The following HERC2 variants were observed in gnomAD, a reference collection of about 807,000 sequenced individuals.
HERC2 encodes HECT and RLD domain containing E3 ubiquitin protein ligase 2.
In HERC2, 102 loss-of-function variants were observed where a neutral mutation model predicts 537.7. The ratio of observed to expected loss-of-function variants is 0.19; its 90% CI spans 0.16 to 0.22. The LOEUF (loss-of-function observed/expected upper bound fraction) is 0.22. Among genes scored for constraint, HERC2 ranks in the 10% least tolerant of loss-of-function variants. The probability of loss-of-function intolerance (pLI) is 1.00; values close to 1 mark genes in which losing one functional copy is unlikely to be tolerated. For synonymous variants in HERC2, 2,224 were observed against 2,466.2 expected, an observed-to-expected ratio of 0.90 and a Z score of 2.91; for missense variants, 4,236 against 6,198.2, an observed-to-expected ratio of 0.68 and a Z score of 10.63.
Position 28,214,285 on chromosome 15 carries a change from C to G in HERC2, c.6359-13G>C. 1 of 1,608,322 alleles carries G rather than the reference C, an allele frequency of 6.2e-7. No individual in the cohort carries two copies. Among genetic ancestry groups the G allele is most frequent in the Non-Finnish European group, 8.5e-7 (1 of 1,176,828 alleles). On this transcript the variant is annotated splice_polypyrimidine_tract_variant and intron_variant, in intron 40 of 92. Transcript: ENST00000261609. Reference sequence around the variant, plus strand: ...CTCAGCGTGGACTCTGAGGAGGAAACCAGGGGAGAAGCTGCTGCACCGCTC... The same window carrying G: ...CTCAGCGTGGACTCTGAGGAGGAAAGCAGGGGAGAAGCTGCTGCACCGCTC...
In HERC2 at chr15:28,229,701, T is replaced by C. The variant is rs777672096; in HGVS notation, c.4956A>G (p.Glu1652=). 6.2e-7 allele frequency: 1 copy of C among 1,612,024 alleles called. No individual in the cohort carries two copies. Among genetic ancestry groups the C allele is most frequent in the Non-Finnish European group, 8.5e-7 (1 of 1,179,832 alleles). The part of the protein sequence containing the change: ...FALKEEPVDV[E]KMRKCLLKQL... ...GTTTTAGTAGGCACTTTCTCATTTT[T>C]TCCACATCCACTGGCTCTTCTTTAA... is the stretch of plus-strand genomic sequence containing the variant. Residue 1652 remains glutamate (E), a synonymous_variant, in exon 32 of 93, where the codon GAA becomes GAG. Transcript: ENST00000261609.
intron 69 of HERC2, among the ~76,000 whole-genome samples, chr15:28,160,285 CAG>C (rs1173295774): frequency 6.6e-6 from 1 of 152,194 alleles, no homozygotes; most frequent in Non-Finnish European, 1.5e-5. Flanking sequence ...TTTAAGTCTG[CAG>C]AGGTTTCTGC....
intron 1 of HERC2, 106 bp downstream of exon 1, chr15:28,321,969 C>G (rs2077242606): frequency 8.1e-6 from 1 of 123,048 alleles, no homozygotes; most frequent in Admixed American, 7.7e-5. Flanking sequence ...CGCGCAGGCC[C>G]CGGTGCGGCC....
intron 65 of HERC2, among the ~76,000 whole-genome samples, chr15:28,172,353 T>G (rs369102126): frequency 3.3e-5 from 5 of 152,136 alleles, no homozygotes; most frequent in Non-Finnish European, 7.3e-5. Context: ...GCTAAAGAAC[T>G]CTTGCAACCT....
chr15:28,113,112 T>G lies in HERC2; in HGVS notation c.14191A>C (p.Arg4731=), dbSNP rs926405836. The G allele has an allele frequency of 5.0e-6, 8 of 1,613,688 alleles. No homozygotes were observed. The African/African-American group carries it at 6.7e-5, about 13-fold the overall frequency. Residue 4731 remains arginine, a synonymous_variant, in exon 92 of 93, where the codon AGG becomes CGG. Transcript: ENST00000261609. This position sits in a 1 kb window ranked among gnomAD's most constrained non-coding sequence, Gnocchi z 7.0. ...RFVWGRTRLP[R]TIADFRGRDF... The stretch of plus-strand genomic sequence containing the variant: ...CGGCCCCGGAAGTCGGCGATGGTCC[T>G]GGGCAGCCTCGTCCGGCCCCAGACG...
At chr15:28,124,879 G>T in intron 84 of HERC2, 127 bp downstream of exon 84, 1 of 985,572 alleles carries the variant, frequency 1.0e-6, no homozygotes, top group South Asian at 1.7e-5. Flanking sequence ...TGCACTGTGT[G>T]GTTAACATTT....
intron 50 of HERC2, among the ~76,000 whole-genome samples, chr15:28,197,938 A>G (rs1422666223): frequency 6.6e-6 from 1 of 152,068 alleles, no homozygotes; most frequent in Non-Finnish European, 1.5e-5. Flanking sequence ...ACCACAAACA[A>G]CCACACAGTC....
Position 28,176,939 on chromosome 15 carries a change from C to T in HERC2, c.9432+11G>A, listed in dbSNP as rs370495387. ...AAGCTTTCTGCAAGCAACAAAAATG[C>T]GTATAATCACCATTTTGGGCTTTAG... is the stretch of plus-strand genomic sequence containing the variant. On this transcript the variant is annotated intron_variant, in intron 61 of 92. Transcript: ENST00000261609. This position sits in a 1 kb window ranked among gnomAD's most constrained non-coding sequence, Gnocchi z 5.0. The T allele has an allele frequency of 3.3e-5, 53 of 1,605,596 alleles. No individual in the cohort carries two copies. Among genetic ancestry groups the T allele is most frequent in the African/African-American group, 1.1e-4 (8 of 74,828 alleles).
intron 59 of HERC2, among the ~76,000 whole-genome samples, chr15:28,178,113 C>G (rs1157554853): frequency 2.0e-5 from 3 of 151,974 alleles, no homozygotes; most frequent in African/African-American, 7.3e-5. Context: ...TCATTCTCCC[C>G]CTTCCTTACC....
At position 28,113,847 on chromosome 15, in the gene HERC2, T is replaced by G. The variant is rs1411654939; in HGVS notation, c.13914-169A>C. 1 of 636,428 alleles carries G rather than the reference T, an allele frequency of 1.6e-6. No individual in the cohort carries two copies. The highest frequency in any genetic ancestry group is 1.8e-5 in the African/African-American group (1 of 55,584). The allele number at this position is 636,428 out of a possible 1,614,324, so 39.4% of individuals were successfully genotyped here. On this transcript the variant is annotated intron_variant, in intron 90 of 92. Coordinates refer to ENST00000261609, the MANE Select transcript of HERC2 (RefSeq NM_004667.6). The surrounding 1 kb of genome is among the most constrained non-coding windows in gnomAD (Gnocchi z 7.0). ...GCTTAGCAGCTCGGCACTGCAGAGC[T>G]TCTCCTGACACTGGGCTCATCTCGT...
Position 28,298,005 on chromosome 15 carries a change from T to TTGTGTG in HERC2, c.187+1391_187+1396dup, listed in dbSNP as rs373425948. On this transcript the variant is annotated intron_variant, in intron 3 of 92. Coordinates refer to ENST00000261609, the MANE Select transcript of HERC2 (RefSeq NM_004667.6). ...ACTCACTGTACACGTCTGTCAGTTA[T>TTGTGTG]TGTGTGTGTGTGTGTGTGTGTGTGT... Among the ~76,000 whole-genome samples, 205 of 130,498 alleles carry TTGTGTG rather than the reference T, an allele frequency of 1.6e-3. 1 individual carries two copies. Among genetic ancestry groups the TTGTGTG allele is most frequent in the African/African-American group, 5.7e-3 (182 of 31,856 alleles). The allele number at this position is 130,498 out of a possible 152,430, so 85.6% of individuals were successfully genotyped here.
intron 55 of HERC2, chr15:28,190,704 T>C (rs1258838146): frequency 1.2e-5 from 6 of 514,710 alleles, no homozygotes; most frequent in Admixed American, 7.1e-5. Flanking sequence ...ATGAAAACTT[T>C]TGCTAGGAGC....
rs532871531 is a variant in HERC2 at position 28,148,589 on chromosome 15, G to A, written c.10901-2245C>T. 1.9e-4 allele frequency among the ~76,000 whole-genome samples: 29 copies of A among 151,144 alleles called. No homozygotes were observed. In the East Asian group the frequency reaches 4.3e-3, roughly 23 times the overall value. On this transcript the variant is annotated intron_variant, in intron 70 of 92. Coordinates refer to ENST00000261609, the MANE Select transcript of HERC2 (RefSeq NM_004667.6). ...AGAACATCACCGAGAACGGCCGCAT[G>A]AACGTACATTCTGGTGAAATCACCA...
intron 4 of HERC2, among the ~76,000 whole-genome samples, chr15:28,291,294 A>C (rs2076303535): frequency 6.6e-6 from 1 of 152,138 alleles, no homozygotes; most frequent in Non-Finnish European, 1.5e-5. Context: ...GCACAATCAT[A>C]GATCACTGCA....
intron 50 of HERC2, 140 bp from the exon 51 acceptor site, chr15:28,196,709 A>T (rs1897376958): frequency 3.4e-6 from 2 of 595,376 alleles, no homozygotes; most frequent in Non-Finnish European, 6.1e-6. Context: ...GATAGGTACT[A>T]AAATGCTTAT....
At position 28,263,052 on chromosome 15, in the gene HERC2, C is replaced by A. The variant is rs765482113; in HGVS notation, c.1988G>T (p.Arg663Leu). ...AGCAATGGAAAACTGACTTCCACAG[C>A]GGACTTTGACCACATCCAAGTCTTG... ...KLQDLDVVKVRCGSQFSIALT... is the reference protein window; with the variant it reads ...KLQDLDVVKVLCGSQFSIALT... Residue 663 changes from arginine (R) to leucine (L), a missense_variant, in exon 15 of 93, where the codon CGC (arginine) becomes CTC (leucine). Around this residue, in one of 27 missense-constraint regions of HERC2, gnomAD observed 754 missense variants for 1,085.0 expected, o/e 0.69. Transcript: ENST00000261609. The A allele has an allele frequency of 1.9e-6, 3 of 1,614,066 alleles. No individual in the cohort carries two copies. Among genetic ancestry groups the A allele is most frequent in the African/African-American group, 2.7e-5 (2 of 74,926 alleles).
chr15:28,215,867 C>T (rs930736021), intron 38 of HERC2, 65 bp from the exon 39 acceptor site: 53 of 1,013,974 alleles, frequency 5.2e-5, no homozygotes, highest in Non-Finnish European at 7.3e-5. Context: ...AAAGATATAT[C>T]CTTATTTTTT....
Position 28,202,167 on chromosome 15 carries a change from G to A in HERC2, c.7563C>T (p.Asp2521=), listed in dbSNP as rs372152404. The change falls in exon 47 of 93, where the codon GAC becomes GAT. Residue 2521 remains aspartate, a synonymous_variant. Transcript: ENST00000261609. ...CCACCACCTCCTCGTCAGAATACTC[G>A]TCGGACACCGTGTCTGCATCTGAGA... is the stretch of plus-strand genomic sequence containing the variant. ...TELSDADTVS[D]EYSDEEVVED... 1.6e-5 allele frequency: 26 copies of A among 1,580,756 alleles called. No individual in the cohort carries two copies. In the African/African-American group the frequency reaches 1.9e-4, roughly 12 times the overall value.
intron 55 of HERC2, among the ~76,000 whole-genome samples, chr15:28,188,805 G>A (rs1025859390): frequency 3.3e-5 from 5 of 152,066 alleles, no homozygotes; most frequent in East Asian, 1.9e-4. Context: ...GAAAAAACCC[G>A]GCTGGGTGCG....
Sources: allele counts gnomAD v4.1 joint callset (sites outside exome capture counted in the v4.1 genomes callset), GRCh38; gene constraint gnomAD v4.1.1; regional missense constraint gnomAD v4.1.1; non-coding constraint Gnocchi (gnomAD v3.1); transcripts MANE v1.5; gene names NCBI Gene and HGNC (gene_info 2026-07-23, HGNC 2026-07-21).